Variants in UNC80 observed in about 807,000 individuals in gnomAD.
UNC80 encodes the protein unc-80 subunit of NALCN channel complex, also known as protein unc-80 homolog.
UNC80 carries 164 observed loss-of-function variants against 384.6 expected under a neutral mutation model. That is an observed-to-expected ratio of 0.43 (90% CI 0.38 to 0.49). UNC80 has a LOEUF of 0.49. Ranked by LOEUF, UNC80 falls within the 20% of genes least tolerant of loss-of-function variation. The pLI is 0.00. For synonymous variants in UNC80, 1,486 were observed against 1,527.8 expected, an observed-to-expected ratio of 0.97 and a Z score of 0.64; for missense variants, 3,330 against 4,143.0, an observed-to-expected ratio of 0.80 and a Z score of 5.39.
chr2:209,969,682 T>G (rs1336451571), intron 52 of UNC80, 86 bp from the exon 53 acceptor site: 4 of 1,504,290 alleles, frequency 2.7e-6, no homozygotes, highest in South Asian at 2.6e-5. Flanking sequence ...CTGTCTTAGA[T>G]GGCATCAGAA....
chr2:209,917,916 G>T lies in UNC80; in HGVS notation c.5169G>T (p.Gln1723His). 1 of 1,551,680 alleles carries T rather than the reference G, an allele frequency of 6.4e-7. No individual in the cohort carries two copies. The highest frequency in any genetic ancestry group is 8.7e-7 in the Non-Finnish European group (1 of 1,146,972). The stretch of plus-strand genomic sequence containing the variant: ...ACACGCTCTGGAGGTTTCGCTATCA[G>T]GTCTGGCCCCGGATGGAGGAAGGGG... ...KFHTLWRFRY[Q>H]VWPRMEEGAQ... Residue 1723 changes from glutamine (Q) to histidine (H), a missense_variant, in exon 32 of 65, where the codon CAG becomes CAT. Gln to His is a conservative substitution (Grantham distance 24, BLOSUM62 0). Transcript: ENST00000673920.
At chr2:209,776,271 G>C (rs2076857743) in intron 3 of UNC80, among the ~76,000 whole-genome samples, 1 of 152,062 alleles carries the variant, frequency 6.6e-6, no homozygotes, top group Non-Finnish European at 1.5e-5. Context: ...AGTAATATAT[G>C]AATATATTCT....
intron 34 of UNC80, 113 bp downstream of exon 34, chr2:209,921,799 C>T: frequency 8.2e-7 from 1 of 1,217,636 alleles, no homozygotes; most frequent in South Asian, 1.8e-5. Flanking sequence ...CCTTCCATCT[C>T]TCTCTCACTT....
chr2:209,853,207 GT>G (rs2082656864), intron 22 of UNC80, among the ~76,000 whole-genome samples: 1 of 151,856 alleles, frequency 6.6e-6, no homozygotes, highest in African/African-American at 2.4e-5. Context: ...CTCTTTTATT[GT>G]TTTGCTTTGT....
At chr2:209,802,850 T>C (rs571014793) in intron 7 of UNC80, among the ~76,000 whole-genome samples, 1 of 152,326 alleles carries the variant, frequency 6.6e-6, no homozygotes, top group Admixed American at 6.5e-5. Context: ...ACAGTTTCTC[T>C]CAGGTTGTTG....
chr2:209,898,748 C>T (rs559230613), intron 28 of UNC80, among the ~76,000 whole-genome samples: 3 of 152,240 alleles, frequency 2.0e-5, no homozygotes, highest in African/African-American at 7.2e-5. Context: ...ACTTTCCCCA[C>T]CTCTCCCTCA....
chr2:209,811,845 T>G (rs2079375496), intron 7 of UNC80, among the ~76,000 whole-genome samples: 1 of 152,220 alleles, frequency 6.6e-6, no homozygotes, highest in African/African-American at 2.4e-5. Flanking sequence ...AAGTATGGTA[T>G]GTGCTTCGAT....
intron 7 of UNC80, chr2:209,809,146 T>G (rs948814199): frequency 1.8e-5 from 11 of 596,642 alleles, no homozygotes; most frequent in Admixed American, 2.7e-5. Flanking sequence ...AGCTTCTTCC[T>G]TGGAGGCGGA....
rs1194891568 is a variant in UNC80, at chr2:209,872,860, G to A, written c.3730G>A (p.Val1244Met). 1.3e-6 allele frequency: 2 copies of A among 1,551,410 alleles called. No individual in the cohort carries two copies. The highest frequency in any genetic ancestry group is 1.2e-5 in the South Asian group (1 of 84,038). ...GCCAGAGTGGATGAAAGGGCACCAC[G>A]TGAACATCACCAAGAAAGGACTTTC... is the stretch of plus-strand genomic sequence containing the variant. ...NWPEWMKGHHVNITKKGLSRG... is the reference protein window; with the variant it reads ...NWPEWMKGHHMNITKKGLSRG... Residue 1244 changes from valine to methionine, a missense_variant, in exon 23 of 65, where the codon GTG becomes ATG. Physicochemically the swap from Val to Met is conservative, Grantham distance 21. Coordinates refer to ENST00000673920, the MANE Select transcript of UNC80 (RefSeq NM_001371986.1). This position sits in a 1 kb window ranked among gnomAD's most constrained non-coding sequence, Gnocchi z 4.1.
At chr2:209,788,462 C>T (rs2077591252) in intron 5 of UNC80, among the ~76,000 whole-genome samples, 1 of 148,196 alleles carries the variant, frequency 6.7e-6, no homozygotes, top group African/African-American at 2.5e-5. Flanking sequence ...TAAGTACATA[C>T]GTTTATAAGT....
rs1159335059 is a variant in UNC80 at position 209,816,941 on chromosome 2, A to G, written c.1368A>G (p.Lys456=). 3 of 1,551,580 alleles carry G rather than the reference A, an allele frequency of 1.9e-6. No individual in the cohort carries two copies. The highest frequency in any genetic ancestry group is 1.7e-6 in the Non-Finnish European group (2 of 1,147,016). The change falls in exon 10 of 65, where the codon AAA becomes AAG. Residue 456 remains lysine (K), a synonymous_variant. Transcript: ENST00000673920. ...GCCGCAAAGAAGACCGAGAGAGGAA[A>G]GGCTCCATTCCATTCCACCACACAG... The part of the protein sequence containing the change: ...FKSRKEDRER[K]GSIPFHHTGK...
chr2:209,777,487 G>C lies in UNC80; in HGVS notation c.528G>C (p.Lys176Asn). 6.2e-7 allele frequency: 1 copy of C among 1,614,190 alleles called. No individual in the cohort carries two copies. Among genetic ancestry groups the C allele is most frequent in the African/African-American group, 1.3e-5 (1 of 75,036 alleles). ...ACGAAGAAGAGAACAACCGAAGAAA[G>C]ATCTTCCAGAACTCCATGGCTACTG... ...SNDEEENNRR[K>N]IFQNSMATVE... is the part of the protein sequence containing the mutation. Residue 176 changes from lysine to asparagine, a missense_variant, in exon 4 of 65, where the codon AAG (lysine) becomes AAC (asparagine). Lys to Asn is a moderately conservative substitution (Grantham distance 94). Transcript: ENST00000673920.
chr2:209,782,636 G>A (rs1396874732), intron 4 of UNC80, among the ~76,000 whole-genome samples: 1 of 151,940 alleles, frequency 6.6e-6, no homozygotes, highest in Non-Finnish European at 1.5e-5. Context: ...AATATTAAGT[G>A]AATAAATTAG....
chr2:209,825,264 T>C (rs1439387793), intron 13 of UNC80, among the ~76,000 whole-genome samples: 3 of 152,108 alleles, frequency 2.0e-5, no homozygotes, highest in Admixed American at 6.6e-5. Flanking sequence ...ACAACAAAGA[T>C]TAAATTGGGC....
chr2:209,813,631 T>C lies in UNC80; in HGVS notation c.990T>C (p.Phe330=). The C allele has an allele frequency of 6.4e-7, 1 of 1,551,862 alleles. No homozygotes were observed. Residue 330 remains phenylalanine (F), a synonymous_variant, in exon 8 of 65, where the codon TTT becomes TTC. Transcript: ENST00000673920. ...AAAGGTCCCGCTATGCCACCTACTTTGACGTTGCTGTTCTGCGCTGCCTAC... is the reference window on the plus strand; with the variant it reads ...AAAGGTCCCGCTATGCCACCTACTTCGACGTTGCTGTTCTGCGCTGCCTAC... ...PCQRSRYATY[F]DVAVLRCLLQ...
chr2:209,933,425 A>G (rs2091030923), intron 38 of UNC80, among the ~76,000 whole-genome samples: 1 of 152,110 alleles, frequency 6.6e-6, no homozygotes, highest in Non-Finnish European at 1.5e-5. Flanking sequence ...GAAGTTCATC[A>G]ACTTAGCCAA....
At chr2:209,898,433 T>A (rs2087022895) in intron 28 of UNC80, among the ~76,000 whole-genome samples, 1 of 152,158 alleles carries the variant, frequency 6.6e-6, no homozygotes, top group Admixed American at 6.6e-5. Context: ...TATTTTAAAA[T>A]TTCCATTGTG....
rs1306054748 is a variant in UNC80, at chr2:209,976,288, T to C, written c.8757T>C (p.Pro2919=). 3 of 1,551,652 alleles carry C rather than the reference T, an allele frequency of 1.9e-6. No individual in the cohort carries two copies. The African/African-American group carries it at 4.1e-5, about 21-fold the overall frequency. ...TRIPIFVLLR[P]FIQCKLLAQP... ...TACCCATCTTTGTGCTTTTGCGCCC[T>C]TTCATCCAGTGCAAGGTGTGGTGTG... is the stretch of plus-strand genomic sequence containing the variant. The change falls in exon 57 of 65, where the codon CCT becomes CCC. Residue 2919 remains proline, a synonymous_variant. Coordinates refer to ENST00000673920, the MANE Select transcript of UNC80 (RefSeq NM_001371986.1). The surrounding 1 kb of genome is among the most constrained non-coding windows in gnomAD (Gnocchi z 4.3).
At chr2:209,803,926 G>C (rs117474905) in intron 7 of UNC80, among the ~76,000 whole-genome samples, 3 of 152,004 alleles carry the variant, frequency 2.0e-5, no homozygotes, top group Non-Finnish European at 4.4e-5. Flanking sequence ...TTGTAGAGAC[G>C]TGGTCTTGCT....
Sources: gnomAD v4.1 joint callset for allele counts (sites outside exome capture counted in the v4.1 genomes callset) on GRCh38, gnomAD v4.1.1 for gene constraint, Gnocchi (gnomAD v3.1) non-coding constraint, MANE v1.5 for transcripts, NCBI Gene and HGNC (gene_info 2026-07-23, HGNC 2026-07-21) for gene names.